PPFIA2: variants seen among roughly 807,000 people sequenced by gnomAD.
The protein encoded by PPFIA2 is PPFI scaffold protein A2.
A neutral mutation model predicts 175.5 loss-of-function variants in PPFIA2; 46 were observed. The observed-to-expected ratio is 0.26, with a 90% CI of 0.21 to 0.34. The LOEUF is 0.34. PPFIA2 is among the 10% of genes least tolerant of loss of function. The pLI, the probability that PPFIA2 is intolerant of heterozygous loss-of-function variation, is 1.00. For synonymous variants in PPFIA2, 568 were observed against 511.4 expected (o/e 1.11, Z -1.49); for missense variants, 1,179 against 1,506.1 (o/e 0.78, Z 3.60).
chr12:81,265,305 A>C (rs1180007073), intron 30 of PPFIA2, among the ~76,000 whole-genome samples: 2 of 151,366 alleles, frequency 1.3e-5, no homozygotes, highest in Non-Finnish European at 2.9e-5. Context: ...AAAAAAAAAA[A>C]AAAAAAAAAA....
intron 4 of PPFIA2, among the ~76,000 whole-genome samples, chr12:81,611,138 T>A (rs1055913905): frequency 1.4e-4 from 21 of 152,078 alleles, no homozygotes; most frequent in African/African-American, 5.1e-4. Context: ...CCATGTCTGC[T>A]CTCGGGCCTT....
chr12:81,383,703 T>C, intron 9 of PPFIA2, among the ~76,000 whole-genome samples: 1 of 152,130 alleles, frequency 6.6e-6, no homozygotes, highest in East Asian at 1.9e-4. Flanking sequence ...AGTATAGCAA[T>C]TCATGATTCA....
chr12:81,475,851 A>G (rs1046658259), intron 4 of PPFIA2, among the ~76,000 whole-genome samples: 38 of 152,270 alleles, frequency 2.5e-4, no homozygotes, highest in African/African-American at 8.9e-4. Context: ...AGCTGGGACT[A>G]CAGGTGCCCG....
intron 8 of PPFIA2, among the ~76,000 whole-genome samples, chr12:81,390,609 T>C (rs2039938351): frequency 1.3e-5 from 2 of 152,038 alleles, no homozygotes; most frequent in Admixed American, 6.6e-5. Context: ...TTTGCCTTCA[T>C]ATTAATTGAT....
chr12:81,584,955 A>T (rs1489866562), intron 4 of PPFIA2, among the ~76,000 whole-genome samples: 1 of 113,484 alleles, frequency 8.8e-6, no homozygotes, highest in African/African-American at 3.5e-5. Context: ...TATTAATTAT[A>T]TTTATATATA....
At position 81,714,243 on chromosome 12, in the gene PPFIA2, A is replaced by G. The variant is rs904414639; in HGVS notation, c.250-37399T>C. On this transcript the variant is annotated intron_variant, in intron 3 of 32. Coordinates refer to ENST00000549396, the MANE Select transcript of PPFIA2 (RefSeq NM_003625.5). ...TACACACTTTCATGCATTCAATTCT[A>G]TGTATTGAAGGTAGAGCAAAGATGA... Among the ~76,000 whole-genome samples, 7 of 151,078 alleles carry G rather than the reference A, an allele frequency of 4.6e-5. 1 individual carries two copies. In the East Asian group the frequency reaches 1.4e-3, roughly 30 times the overall value.
rs1245251869 is a variant in PPFIA2, at chr12:81,615,214, G to A, written c.303+61577C>T. Among the ~76,000 whole-genome samples, 5 of 152,248 alleles carry A rather than the reference G, an allele frequency of 3.3e-5. 1 individual carries two copies. Among genetic ancestry groups the A allele is most frequent in the Middle Eastern group, 3.4e-3 (1 of 294 alleles). On this transcript the variant is annotated intron_variant, in intron 4 of 32. Transcript: ENST00000549396. ...GGTCTGAGCAGCTGCTCCCGTTTTT[G>A]GCCTATGCAATGCAAGGATAAAATA...
chr12:81,682,438 C>T (rs1343372602), intron 3 of PPFIA2, among the ~76,000 whole-genome samples: 2 of 151,952 alleles, frequency 1.3e-5, no homozygotes, highest in African/African-American at 4.8e-5. Flanking sequence ...AAAACTAATG[C>T]ATGCATATTT....
intron 4 of PPFIA2, among the ~76,000 whole-genome samples, chr12:81,671,692 C>A (rs1179905518): frequency 2.6e-5 from 4 of 151,924 alleles, no homozygotes; most frequent in Admixed American, 6.6e-5. Context: ...GCTTAACTTT[C>A]TAGCCTTCTA....
intron 8 of PPFIA2, among the ~76,000 whole-genome samples, chr12:81,386,444 G>A (rs1595909000): frequency 6.6e-6 from 1 of 151,636 alleles, no homozygotes; most frequent in East Asian, 2.0e-4. Flanking sequence ...GGCAACATGG[G>A]GAGACTCCAA....
intron 3 of PPFIA2, among the ~76,000 whole-genome samples, chr12:81,749,010 T>C (rs929981995): frequency 6.9e-6 from 1 of 144,272 alleles, no homozygotes; most frequent in Non-Finnish European, 1.6e-5. Flanking sequence ...CTTTTAAAAC[T>C]AAACAAACAA....
intron 4 of PPFIA2, among the ~76,000 whole-genome samples, chr12:81,581,416 G>A (rs1159715319): frequency 1.3e-5 from 2 of 151,702 alleles, no homozygotes; most frequent in East Asian, 1.9e-4. Flanking sequence ...GTGCATTCTA[G>A]TACAGAGATC....
At chr12:81,343,520 T>C (rs767389256) in intron 19 of PPFIA2, among the ~76,000 whole-genome samples, 3 of 152,058 alleles carry the variant, frequency 2.0e-5, no homozygotes, top group Non-Finnish European at 4.4e-5. Context: ...TAGATTCCTT[T>C]ATTTTTTTTA....
chr12:81,362,671 T>C, intron 15 of PPFIA2, 22 bp downstream of exon 15: 1 of 1,470,992 alleles, frequency 6.8e-7, no homozygotes, highest in South Asian at 1.2e-5. Context: ...GAATTATAGA[T>C]AAGCTTTTAG....
Position 81,294,897 on chromosome 12 carries a change from G to T in PPFIA2, c.2863C>A (p.Arg955=). The T allele has an allele frequency of 6.2e-7, 1 of 1,613,568 alleles. No individual in the cohort carries two copies. Among genetic ancestry groups the T allele is most frequent in the Non-Finnish European group, 8.5e-7 (1 of 1,179,732 alleles). ...ISNPLHRLKL[R]LAIQEMVSLT... ...GAAACCATCTCCTGGATTGCTAATCGAAGTTTTAAGCGATGCAGTGGATTG... is the reference window on the plus strand; with the variant it reads ...GAAACCATCTCCTGGATTGCTAATCTAAGTTTTAAGCGATGCAGTGGATTG... The change falls in exon 24 of 33, where the codon CGA becomes AGA. Residue 955 remains arginine, a synonymous_variant. Coordinates refer to ENST00000549396, the MANE Select transcript of PPFIA2 (RefSeq NM_003625.5).
chr12:81,514,436 G>GT (rs1398132831), intron 4 of PPFIA2, among the ~76,000 whole-genome samples: 2 of 151,802 alleles, frequency 1.3e-5, no homozygotes, highest in African/African-American at 4.8e-5. Context: ...CTTTTCTTCT[G>GT]TAATCATCTG....
intron 4 of PPFIA2, among the ~76,000 whole-genome samples, chr12:81,608,533 T>C (rs1198176082): frequency 6.6e-6 from 1 of 152,090 alleles, no homozygotes; most frequent in Non-Finnish European, 1.5e-5. Context: ...AAATTGTATG[T>C]TTCCAAGCAT....
chr12:81,279,869 TAC>T lies in PPFIA2; in HGVS notation c.3212+1386_3212+1387del, dbSNP rs376011570. ...TACACTACAAGGCAGCTGAGAGTGGTACAAAGTTGTTTCTTCTATTAACTAGA... is the reference window on the plus strand; with the variant it reads ...TACACTACAAGGCAGCTGAGAGTGGTAAAGTTGTTTCTTCTATTAACTAGA... On this transcript the variant is annotated intron_variant, in intron 27 of 32. Transcript: ENST00000549396. 2.0e-4 allele frequency among the ~76,000 whole-genome samples: 31 copies of T among 152,298 alleles called. No individual in the cohort carries two copies. The East Asian group carries it at 4.2e-3, about 21-fold the overall frequency.
intron 3 of PPFIA2, among the ~76,000 whole-genome samples, chr12:81,695,320 C>A (rs1422619020): frequency 2.0e-5 from 3 of 152,140 alleles, no homozygotes; most frequent in African/African-American, 7.2e-5. Context: ...TGGAAGGTGT[C>A]TGGATCATAG....
Sources: gnomAD v4.1 joint callset for allele counts (sites outside exome capture counted in the v4.1 genomes callset) on GRCh38, gnomAD v4.1.1 for gene constraint, MANE v1.5 for transcripts, NCBI Gene and HGNC (gene_info 2026-07-23, HGNC 2026-07-21) for gene names.